CPNE4: variants seen among roughly 807,000 people sequenced by gnomAD.
CPNE4 encodes copine-4.
CPNE4 carries 25 observed loss-of-function variants against 67.9 expected under a neutral mutation model. The observed-to-expected ratio is 0.37, with a 90% CI of 0.27 to 0.51. The LOEUF is 0.51. Among genes scored for constraint, CPNE4 ranks in the 20% least tolerant of loss-of-function variants. The pLI is 0.93. For missense variants in CPNE4, 464 were observed against 690.8 expected (o/e 0.67, Z 3.68); for synonymous variants, 242 against 244.9 (o/e 0.99, Z 0.11).
chr3:131,560,222 C>G (rs72997295), intron 11 of CPNE4, among the ~76,000 whole-genome samples: 2,219 of 152,006 alleles, frequency 0.015, 59 homozygotes, highest in African/African-American at 0.049. Flanking sequence ...GCAAGGGAAG[C>G]GATACATCTT....
chr3:131,839,886 A>G (rs546312491), intron 2 of CPNE4, among the ~76,000 whole-genome samples: 1 of 152,326 alleles, frequency 6.6e-6, no homozygotes. Context: ...ACGTTATGCC[A>G]TTGCAAAGTT....
chr3:131,833,271 T>G (rs2085443190), intron 2 of CPNE4, among the ~76,000 whole-genome samples: 1 of 152,196 alleles, frequency 6.6e-6, no homozygotes, highest in African/African-American at 2.4e-5. Flanking sequence ...CCAGCCAGTT[T>G]TGAATGGAGA....
chr3:131,784,085 A>T lies in CPNE4; in HGVS notation c.181-60460T>A, dbSNP rs74734704. ...CTCACTTGTGCTGACATTTTACGAC[A>T]AATAGTGTATATTTAATAAACAATG... On this transcript the variant is annotated intron_variant, in intron 2 of 15. Transcript: ENST00000429747. Among the ~76,000 whole-genome samples the T allele has an allele frequency of 7.0e-3, 1,068 of 152,218 alleles. 14 individuals carry two copies. The highest frequency in any genetic ancestry group is 0.024 in the African/African-American group (1,017 of 41,564).
At position 131,981,928 on chromosome 3, in the gene CPNE4, T is replaced by A. The variant is rs116450074; in HGVS notation, c.-2+52639A>T. 5.4e-3 allele frequency among the ~76,000 whole-genome samples: 824 copies of A among 152,280 alleles called. 7 individuals are homozygous for A. The highest frequency in any genetic ancestry group is 0.019 in the African/African-American group (799 of 41,556). ...CTTGGATCACTCACAGTTTTGGGGATGTCTCCCAGGTCCTGCAGGAGCAGA... is the reference window on the plus strand; with the variant it reads ...CTTGGATCACTCACAGTTTTGGGGAAGTCTCCCAGGTCCTGCAGGAGCAGA... On this transcript the variant is annotated intron_variant, in intron 1 of 15. Transcript: ENST00000429747.
intron 1 of CPNE4, among the ~76,000 whole-genome samples, chr3:131,930,468 C>T (rs1185174463): frequency 2.2e-5 from 3 of 139,332 alleles, no homozygotes; most frequent in African/African-American, 8.2e-5. Context: ...AAACTGGAAG[C>T]CAAAGGACTC....
At chr3:132,031,814 G>A (rs1394087651) in intron 1 of CPNE4, among the ~76,000 whole-genome samples, 1 of 151,654 alleles carries the variant, frequency 6.6e-6, no homozygotes, top group Non-Finnish European at 1.5e-5. Context: ...CATTTTTTTT[G>A]GTCTGTGATT....
intron 3 of CPNE4, among the ~76,000 whole-genome samples, chr3:131,701,530 C>T (rs970555982): frequency 6.6e-6 from 1 of 152,216 alleles, no homozygotes; most frequent in Non-Finnish European, 1.5e-5. Context: ...TTACCACTAT[C>T]TCTCATTCTT....
intron 1 of CPNE4, among the ~76,000 whole-genome samples, chr3:131,978,448 ATATATATATTTATATATATTTATATATT>A (rs1583550825): frequency 0.014 from 28 of 1,938 alleles, no homozygotes; most frequent in East Asian, 0.027. Flanking sequence ...ATATATATTT[ATATATATATTTATATATATTTATATATT>A]TATATATATT....
intron 2 of CPNE4, among the ~76,000 whole-genome samples, chr3:131,763,984 T>G (rs1286816522): frequency 6.6e-6 from 1 of 152,076 alleles, no homozygotes; most frequent in Non-Finnish European, 1.5e-5. Flanking sequence ...AATTTTAATT[T>G]AATCCTCATA....
intron 7 of CPNE4, among the ~76,000 whole-genome samples, chr3:131,656,938 T>C (rs778886081): frequency 2.0e-5 from 3 of 152,162 alleles, no homozygotes; most frequent in Non-Finnish European, 4.4e-5. Flanking sequence ...CAGGATCTTC[T>C]AGAAATGTGA....
intron 1 of CPNE4, among the ~76,000 whole-genome samples, chr3:131,915,290 C>A (rs965064091): frequency 1.3e-5 from 2 of 152,188 alleles, no homozygotes; most frequent in African/African-American, 4.8e-5. Context: ...ATTCCAATCC[C>A]AATAAATCTC....
chr3:131,791,113 C>T (rs959562505), intron 2 of CPNE4, among the ~76,000 whole-genome samples: 1 of 152,126 alleles, frequency 6.6e-6, no homozygotes, highest in Non-Finnish European at 1.5e-5. Flanking sequence ...AGATGAATGG[C>T]TACTCCTCCC....
At chr3:131,976,609 G>C (rs1289754099) in intron 1 of CPNE4, among the ~76,000 whole-genome samples, 1 of 151,974 alleles carries the variant, frequency 6.6e-6, no homozygotes, top group Non-Finnish European at 1.5e-5. Flanking sequence ...GAAGCTCAGG[G>C]GGAGAAATCA....
intron 10 of CPNE4, among the ~76,000 whole-genome samples, chr3:131,569,986 A>G (rs1488264902): frequency 6.6e-6 from 1 of 151,970 alleles, no homozygotes; most frequent in Non-Finnish European, 1.5e-5. Context: ...TTATATATAT[A>G]TAGTTGTAAT....
chr3:131,779,213 A>G (rs1234623120), intron 2 of CPNE4, among the ~76,000 whole-genome samples: 1 of 152,178 alleles, frequency 6.6e-6, no homozygotes, highest in East Asian at 1.9e-4. Flanking sequence ...AAAATATTCC[A>G]CATTCATGGA....
At chr3:131,776,849 G>A (rs936762743) in intron 2 of CPNE4, among the ~76,000 whole-genome samples, 13 of 152,118 alleles carry the variant, frequency 8.5e-5, no homozygotes, top group African/African-American at 2.9e-4. Context: ...TCCTCCCTCT[G>A]CCACATGGAT....
intron 2 of CPNE4, among the ~76,000 whole-genome samples, chr3:131,849,771 G>C (rs1467594949): frequency 6.6e-6 from 1 of 152,092 alleles, no homozygotes; most frequent in Non-Finnish European, 1.5e-5. Context: ...AAAATTCATG[G>C]AACAGAGCTG....
intron 6 of CPNE4, among the ~76,000 whole-genome samples, chr3:131,670,326 C>G (rs2080375770): frequency 6.6e-6 from 1 of 152,160 alleles, no homozygotes; most frequent in African/African-American, 2.4e-5. Flanking sequence ...ATCACCAACT[C>G]AATTACAATA....
Position 131,640,381 on chromosome 3 carries a change from T to A in CPNE4, c.681+29294A>T, listed in dbSNP as rs199643310. Among the ~76,000 whole-genome samples the A allele has an allele frequency of 6.6e-5, 10 of 151,906 alleles. No homozygotes were observed. The East Asian group carries it at 1.7e-3, about 26-fold the overall frequency. On this transcript the variant is annotated intron_variant, in intron 7 of 15. Coordinates refer to ENST00000429747, the MANE Select transcript of CPNE4 (RefSeq NM_130808.3). ...ACACCAGCAGTGACCAAGCTGAGAA[T>A]CAAATAAAGAACTCAACCCCTTTCA... is the stretch of plus-strand genomic sequence containing the variant.
Sources: gnomAD v4.1 joint callset for allele counts (sites outside exome capture counted in the v4.1 genomes callset) on GRCh38, gnomAD v4.1.1 for gene constraint, MANE v1.5 for transcripts, NCBI Gene and HGNC (gene_info 2026-07-23, HGNC 2026-07-21) for gene names.